Variants in ATG2B observed in about 807,000 individuals in gnomAD.
The protein encoded by ATG2B is autophagy-related protein 2 homolog B.
In ATG2B, 121 loss-of-function variants were observed where a neutral mutation model predicts 241.3. The ratio of observed to expected loss-of-function variants is 0.50; its 90% CI spans 0.43 to 0.58. The LOEUF is 0.58. Among genes scored for constraint, ATG2B ranks in the 20% least tolerant of loss-of-function variants. ATG2B has a pLI of 0.00. For missense variants in ATG2B, 2,306 were observed against 2,491.6 expected (o/e 0.93, Z 1.59); for synonymous variants, 858 against 876.6 (o/e 0.98, Z 0.37).
At chr14:96,302,165 C>T in intron 33 of ATG2B, 57 bp from the exon 34 acceptor site, 1 of 1,062,288 alleles carries the variant, frequency 9.4e-7, no homozygotes, top group Non-Finnish European at 1.4e-6. Flanking sequence ...ACCTTCTTCT[C>T]TTTAAAAATA....
rs1429214263 is a variant in ATG2B, at chr14:96,316,695, A to G, written c.3211-12T>C. Reference sequence around the variant, plus strand: ...TCTCCATTATCTTGCTAGTAAAAAGATCAGAAAAACACAGAAGTTATTACT... The same window carrying G: ...TCTCCATTATCTTGCTAGTAAAAAGGTCAGAAAAACACAGAAGTTATTACT... On this transcript the variant is annotated splice_polypyrimidine_tract_variant and intron_variant, in intron 20 of 41. Transcript: ENST00000359933. 6.3e-7 allele frequency: 1 copy of G among 1,598,940 alleles called. No homozygotes were observed. The highest frequency in any genetic ancestry group is 1.1e-5 in the South Asian group (1 of 88,074).
chr14:96,305,607 G>A lies in ATG2B; in HGVS notation c.4715C>T (p.Ser1572Phe), dbSNP rs1232460636. The change falls in exon 31 of 42, where the codon TCT becomes TTT. Residue 1572 changes from serine to phenylalanine, a missense_variant. Coordinates refer to ENST00000359933, the MANE Select transcript of ATG2B (RefSeq NM_018036.7). ...AACTTACATATAACTTTTAGCCGGA[G>A]AAGTGGGAGGGACTATTCCAAAATC... Reference protein sequence around the residue: ...GKDFGIVPPTSPAKSYISPHS... With the variant: ...GKDFGIVPPTFPAKSYISPHS... 3.1e-6 allele frequency: 5 copies of A among 1,611,226 alleles called. No individual in the cohort carries two copies. The highest frequency in any genetic ancestry group is 1.3e-5 in the African/African-American group (1 of 74,876).
chr14:96,343,416 A>T (rs1382617929), intron 4 of ATG2B, 135 bp from the exon 5 acceptor site: 1 of 267,900 alleles, frequency 3.7e-6, no homozygotes, highest in Non-Finnish European at 6.6e-6. Flanking sequence ...TAATAATAAT[A>T]AATAAATAAA....
At chr14:96,286,049 T>C in intron 41 of ATG2B, 64 bp from the exon 42 acceptor site, 1 of 1,305,540 alleles carries the variant, frequency 7.7e-7, no homozygotes, top group Non-Finnish European at 1.1e-6. Context: ...GAAAACTCTC[T>C]AAGCTATCCT....
Position 96,309,602 on chromosome 14 carries a change from CA to C in ATG2B, c.4162-9del, listed in dbSNP as rs1268672076. 12 of 1,585,270 alleles carry C rather than the reference CA, an allele frequency of 7.6e-6. No homozygotes were observed. The highest frequency in any genetic ancestry group is 2.2e-5 in the East Asian group (1 of 44,466). ...TCGACCACTGGAATCTACCTATAGC[CA>C]AAAAACCTAATTAAAAATAACTGAA... On this transcript the variant is annotated splice_polypyrimidine_tract_variant and intron_variant, in intron 28 of 41. Coordinates refer to ENST00000359933, the MANE Select transcript of ATG2B (RefSeq NM_018036.7).
chr14:96,287,688 C>T lies in ATG2B; in HGVS notation c.6007-1703G>A, dbSNP rs1255944454. On this transcript the variant is annotated intron_variant, in intron 41 of 41. Transcript: ENST00000359933. ...ATTCCTACTACCACCCTCGTAAGTG[C>T]CTGACTACCACCAAATAGAACTATG... is the stretch of plus-strand genomic sequence containing the variant. 3.3e-5 allele frequency among the ~76,000 whole-genome samples: 5 copies of T among 152,194 alleles called. No individual in the cohort carries two copies. In the East Asian group the frequency reaches 9.6e-4, roughly 29 times the overall value.
At chr14:96,312,641 T>TC (rs1887192881) in intron 25 of ATG2B, among the ~76,000 whole-genome samples, 1 of 152,002 alleles carries the variant, frequency 6.6e-6, no homozygotes, top group Non-Finnish European at 1.5e-5. Flanking sequence ...TCCTAGCTAC[T>TC]CAGTAGGGTG....
At chr14:96,331,249 A>G in intron 11 of ATG2B, 127 bp downstream of exon 11, 1 of 917,876 alleles carries the variant, frequency 1.1e-6, no homozygotes, top group Non-Finnish European at 1.6e-6. Context: ...TTCATTTACA[A>G]ATAAAATGTG....
At chr14:96,354,002 T>A (rs1345321311) in intron 1 of ATG2B, among the ~76,000 whole-genome samples, 2 of 152,222 alleles carry the variant, frequency 1.3e-5, no homozygotes. Flanking sequence ...TTTAAACAAG[T>A]TATTCTCTAC....
chr14:96,340,133 T>TATATGATATATATGAATATATATATC (rs1887985266), intron 6 of ATG2B, among the ~76,000 whole-genome samples: 1 of 142,476 alleles, frequency 7.0e-6, no homozygotes, highest in East Asian at 2.0e-4. Context: ...ATATATATCA[T>TATATGATATATATGAATATATATATC]ATATGATATA....
At chr14:96,311,432 T>G (rs1303626520) in intron 27 of ATG2B, 110 bp downstream of exon 27, 1 of 1,167,440 alleles carries the variant, frequency 8.6e-7, no homozygotes, top group East Asian at 2.6e-5. Context: ...ATTTTTAATA[T>G]ACTTACTCTA....
rs770406826 is a variant in ATG2B at position 96,362,966 on chromosome 14, G to C, written c.11C>G (p.Pro4Arg). The C allele has an allele frequency of 5.0e-6, 8 of 1,613,442 alleles. No homozygotes were observed. Among genetic ancestry groups the C allele is most frequent in the Non-Finnish European group, 4.2e-6 (5 of 1,179,896 alleles). MPW[P>R]FSESIKKRAC... ...CCTCTTCTTGATGGACTCCGAAAAC[G>C]GCCAAGGCATAGTGACTGCTGGCAG... The change falls in exon 1 of 42, where the codon CCG becomes CGG. Residue 4 changes from proline to arginine, a missense_variant. Pro to Arg is a moderately radical substitution (Grantham distance 103). Around this residue, in one of 2 missense-constraint regions of ATG2B, gnomAD observed 1,927 missense variants for 2,011.2 expected, o/e 0.96. Transcript: ENST00000359933.
intron 1 of ATG2B, among the ~76,000 whole-genome samples, chr14:96,348,521 A>G (rs1888230012): frequency 6.6e-6 from 1 of 152,090 alleles, no homozygotes; most frequent in Non-Finnish European, 1.5e-5. Context: ...CGTCTCTACT[A>G]AAATTACAAA....
At chr14:96,294,920 C>T (rs1203801367) in intron 36 of ATG2B, 40 bp downstream of exon 36, 11 of 1,580,068 alleles carry the variant, frequency 7.0e-6, no homozygotes, top group Non-Finnish European at 9.6e-6. Flanking sequence ...CTTCAAAAGT[C>T]TAAAATAACT....
rs1886137142 is a variant in ATG2B, at chr14:96,279,416, T to TTCATTCAC, written c.*6331_*6338dup. The TTCATTCAC allele has an allele frequency of 6.6e-6, 1 of 151,830 alleles. No individual in the cohort carries two copies. The allele number at this position is 151,830 out of a possible 1,614,324, so 9.4% of individuals were successfully genotyped here. On this transcript the variant is annotated 3_prime_UTR_variant, in exon 42 of 42. Transcript: ENST00000359933. ...TCGGGTTCACTCACTCATTCATTCATTCATTCACTCATTCACCATTTGCTG... is the reference window on the plus strand; with the variant it reads ...TCGGGTTCACTCACTCATTCATTCATTCATTCACTCATTCACTCATTCACCATTTGCTG...
chr14:96,322,180 C>A lies in ATG2B; in HGVS notation c.2811G>T (p.Leu937=), dbSNP rs766935761. Residue 937 remains leucine, a synonymous_variant, in exon 18 of 42, where the codon CTG becomes CTT. Transcript: ENST00000359933. The stretch of plus-strand genomic sequence containing the variant: ...CATAAATATTTGGTAACGTAAGTTC[C>A]AGCACATAGTGAGAATTGCTGATTG... The part of the protein sequence containing the change: ...DKAISNSHYV[L]ELTLPNIYVT... The A allele has an allele frequency of 1.9e-6, 3 of 1,586,250 alleles. No homozygotes were observed. The highest frequency in any genetic ancestry group is 2.6e-6 in the Non-Finnish European group (3 of 1,171,174).
At position 96,341,510 on chromosome 14, in the gene ATG2B, A is replaced by C; in HGVS notation, c.924+12T>G. The stretch of plus-strand genomic sequence containing the variant: ...TTTTGGTTTTACTACAGAAAGTGAA[A>C]CAAACACTGACCTTAGCTCCAGGAA... On this transcript the variant is annotated intron_variant, in intron 6 of 41. Coordinates refer to ENST00000359933, the MANE Select transcript of ATG2B (RefSeq NM_018036.7). 6.4e-7 allele frequency: 1 copy of C among 1,555,308 alleles called. No homozygotes were observed. The highest frequency in any genetic ancestry group is 8.7e-7 in the Non-Finnish European group (1 of 1,151,252).
intron 1 of ATG2B, among the ~76,000 whole-genome samples, chr14:96,351,108 C>T (rs913642066): frequency 5.3e-5 from 8 of 152,162 alleles, no homozygotes; most frequent in African/African-American, 1.7e-4. Context: ...GTTGCTCCTG[C>T]AAAATCTCTC....
chr14:96,292,189 A>C (rs1886504757), intron 36 of ATG2B, 91 bp from the exon 37 acceptor site: 2 of 698,776 alleles, frequency 2.9e-6, no homozygotes, highest in African/African-American at 3.7e-5. Flanking sequence ...TGGAGAATAA[A>C]AACAAAACCA....
Sources: allele counts gnomAD v4.1 joint callset (sites outside exome capture counted in the v4.1 genomes callset), GRCh38; gene constraint gnomAD v4.1.1; regional missense constraint gnomAD v4.1.1; transcripts MANE v1.5; gene names NCBI Gene and HGNC (gene_info 2026-07-23, HGNC 2026-07-21).